RELCH: variants seen among roughly 807,000 people sequenced by gnomAD.
The protein encoded by RELCH is RAB11 binding and LisH domain, coiled-coil and HEAT repeat containing.
Under a neutral mutation model 150.3 loss-of-function variants are expected in RELCH, and 41 were observed. The observed-to-expected ratio is 0.27, with a 90% CI of 0.21 to 0.35. The LOEUF (loss-of-function observed/expected upper bound fraction) is 0.35. Ranked by LOEUF, RELCH falls within the 10% of genes least tolerant of loss-of-function variation. RELCH has a pLI of 1.00. For synonymous variants in RELCH, 478 were observed against 531.8 expected (o/e 0.90, Z 1.39); for missense variants, 1,092 against 1,467.8 (o/e 0.74, Z 4.18).
intron 10 of RELCH, among the ~76,000 whole-genome samples, chr18:62,233,957 A>G (rs960329846): frequency 5.9e-5 from 9 of 151,988 alleles, no homozygotes; most frequent in African/African-American, 2.2e-4. Flanking sequence ...AATTTGTGGT[A>G]TGATGTTTAC....
chr18:62,287,612 C>T, intron 26 of RELCH, 145 bp downstream of exon 26: 1 of 627,500 alleles, frequency 1.6e-6, no homozygotes, highest in Non-Finnish European at 2.8e-6. Flanking sequence ...TTGTCTCACT[C>T]CACTCCTTCT....
intron 1 of RELCH, among the ~76,000 whole-genome samples, chr18:62,205,515 T>G (rs1033402320): frequency 3.9e-4 from 60 of 152,252 alleles, no homozygotes; most frequent in African/African-American, 1.4e-3. Context: ...ATAAAGCGTT[T>G]GAGATTCACT....
chr18:62,258,934 T>C (rs1253217566), intron 15 of RELCH, among the ~76,000 whole-genome samples: 1 of 151,996 alleles, frequency 6.6e-6, no homozygotes, highest in East Asian at 1.9e-4. Flanking sequence ...ACTCCTACAT[T>C]ATTCAGAAAG....
At position 62,308,924 on chromosome 18, in the gene RELCH, A is replaced by G. The variant is rs907633241; in HGVS notation, c.*3390A>G. 7.2e-5 allele frequency: 11 copies of G among 151,934 alleles called. No individual in the cohort carries two copies. Among genetic ancestry groups the G allele is most frequent in the African/African-American group, 2.4e-4 (10 of 41,368 alleles). 9.4% of individuals were successfully genotyped at this position (151,934 alleles called of 1,614,324 possible). A position where few individuals can be genotyped will look rare whatever the true frequency, so the allele number is the denominator to read the frequency against. ...TTACAGTGTGCTTAGTTTTGATACT[A>G]TTTTTTTCAGTACATTAAAAAGAAA... is the stretch of plus-strand genomic sequence containing the variant. On this transcript the variant is annotated 3_prime_UTR_variant, in exon 29 of 29. Transcript: ENST00000644646.
At chr18:62,291,104 C>T (rs866145865) in intron 26 of RELCH, among the ~76,000 whole-genome samples, 3 of 152,112 alleles carry the variant, frequency 2.0e-5, no homozygotes, top group Non-Finnish European at 4.4e-5. Context: ...TTTTCTCAAT[C>T]GTTTACAATT....
At chr18:62,198,587 G>T (rs1053148886) in intron 1 of RELCH, among the ~76,000 whole-genome samples, 1 of 152,132 alleles carries the variant, frequency 6.6e-6, no homozygotes, top group African/African-American at 2.4e-5. Context: ...GTGTGCTTGT[G>T]AGCTCCCTTA....
At chr18:62,282,500 C>T in intron 25 of RELCH, 56 bp downstream of exon 25, 1 of 1,558,122 alleles carries the variant, frequency 6.4e-7, no homozygotes, top group Non-Finnish European at 8.8e-7. Flanking sequence ...CAAAGCTAGA[C>T]ACTCCTCTGA....
At chr18:62,188,340 C>G (rs2148132302) in intron 1 of RELCH, among the ~76,000 whole-genome samples, 1 of 152,262 alleles carries the variant, frequency 6.6e-6, no homozygotes, top group South Asian at 2.1e-4. Flanking sequence ...CCCTTTTATA[C>G]TAGTTTATTG....
At chr18:62,277,647 C>A (rs17069698) in intron 22 of RELCH, 59,507 of 967,760 alleles carry the variant, frequency 0.061, 2,113 homozygotes, top group Middle Eastern at 0.13. Flanking sequence ...ATACCAGGAA[C>A]CTAATAGGGT....
At position 62,187,362 on chromosome 18, in the gene RELCH, C is replaced by T. The variant is rs539824270; in HGVS notation, c.-144C>T. Reference sequence around the variant, plus strand: ...TGCATCCGGATCTCCTGCCTTGGAGCGTACTCCTTGTCTCTAAGTCGGGAG... The same window carrying T: ...TGCATCCGGATCTCCTGCCTTGGAGTGTACTCCTTGTCTCTAAGTCGGGAG... On this transcript the variant is annotated 5_prime_UTR_variant, in exon 1 of 29. Coordinates refer to ENST00000644646, the MANE Select transcript of RELCH (RefSeq NM_001346231.2). 4 of 683,366 alleles carry T rather than the reference C, an allele frequency of 5.9e-6. No homozygotes were observed. The highest frequency in any genetic ancestry group is 2.8e-5 in the East Asian group (1 of 36,036). 42.3% of individuals were successfully genotyped at this position (683,366 alleles called of 1,614,324 possible). A position where few individuals can be genotyped will look rare whatever the true frequency, so the allele number is the denominator to read the frequency against.
intron 1 of RELCH, among the ~76,000 whole-genome samples, chr18:62,196,076 C>CTTAG (rs2039021421): frequency 6.6e-6 from 1 of 152,164 alleles, no homozygotes; most frequent in African/African-American, 2.4e-5. Context: ...GTGTTCCTTT[C>CTTAG]TTAGCATCGC....
chr18:62,225,766 A>G (rs748464802), intron 5 of RELCH, among the ~76,000 whole-genome samples: 2 of 151,906 alleles, frequency 1.3e-5, no homozygotes, highest in Non-Finnish European at 2.9e-5. Flanking sequence ...AGATAGATGG[A>G]CATTTGAATT....
chr18:62,209,323 A>T (rs1416988812), intron 1 of RELCH, among the ~76,000 whole-genome samples: 1 of 152,198 alleles, frequency 6.6e-6, no homozygotes, highest in Non-Finnish European at 1.5e-5. Flanking sequence ...TTGTGATGTG[A>T]AGTAGTGGTC....
chr18:62,250,596 A>C (rs759320483), intron 11 of RELCH, among the ~76,000 whole-genome samples: 1 of 152,212 alleles, frequency 6.6e-6, no homozygotes, highest in African/African-American at 2.4e-5. Context: ...GAGGGTAATG[A>C]TATAAAGGGG....
Position 62,187,994 on chromosome 18 carries a change from T to C in RELCH, c.489T>C (p.Gly163=), listed in dbSNP as rs1350687729. ...PGAAGVGGAG[G]REPSTASGGG... ...CAGCCGGCGTTGGGGGCGCTGGAGG[T>C]CGGGAACCGAGTACAGCGTCGGGCG... The change falls in exon 1 of 29, where the codon GGT becomes GGC. Residue 163 remains glycine, a synonymous_variant. Transcript: ENST00000644646. The C allele has an allele frequency of 1.9e-6, 3 of 1,596,560 alleles. No individual in the cohort carries two copies. Among genetic ancestry groups the C allele is most frequent in the Non-Finnish European group, 2.6e-6 (3 of 1,172,204 alleles).
At chr18:62,232,495 G>A (rs1376085235) in intron 10 of RELCH, 68 bp downstream of exon 10, 2 of 917,410 alleles carry the variant, frequency 2.2e-6, no homozygotes, top group Non-Finnish European at 3.6e-6. Context: ...TCATTTTGAA[G>A]TTGAGTGTTA....
At chr18:62,279,996 A>G in intron 23 of RELCH, 140 bp downstream of exon 23, 2 of 639,774 alleles carry the variant, frequency 3.1e-6, no homozygotes, top group Non-Finnish European at 5.4e-6. Context: ...TTTAAACTTT[A>G]TCACATTATT....
chr18:62,191,147 G>T (rs1240179926), intron 1 of RELCH, among the ~76,000 whole-genome samples: 2 of 152,136 alleles, frequency 1.3e-5, no homozygotes, highest in Non-Finnish European at 2.9e-5. Flanking sequence ...TGTAAAGAAA[G>T]CTCCCATTTA....
intron 20 of RELCH, among the ~76,000 whole-genome samples, chr18:62,269,975 C>G (rs1344930056): frequency 6.6e-6 from 1 of 152,178 alleles, no homozygotes; most frequent in Non-Finnish European, 1.5e-5. Flanking sequence ...TACCCCAAAA[C>G]ATAATGGTCT....
Sources: gnomAD v4.1 joint callset for allele counts (sites outside exome capture counted in the v4.1 genomes callset) on GRCh38, gnomAD v4.1.1 for gene constraint, MANE v1.5 for transcripts, NCBI Gene and HGNC (gene_info 2026-07-23, HGNC 2026-07-21) for gene names.